MEGF11: variants seen among roughly 807,000 people sequenced by gnomAD.
MEGF11 encodes multiple EGF like domains 11.
MEGF11 carries 126 observed loss-of-function variants against 146.6 expected under a neutral mutation model. That is an observed-to-expected ratio of 0.86 (90% confidence interval 0.74 to 1.00). The LOEUF is 1.00. MEGF11 is among the 50% of genes least tolerant of loss of function. The probability of loss-of-function intolerance (pLI) is 0.00; values close to 1 mark genes in which losing one functional copy is unlikely to be tolerated. For missense variants in MEGF11, 1,509 were observed against 1,521.2 expected (o/e 0.99, Z 0.13); for synonymous variants, 532 against 583.4 (o/e 0.91, Z 1.27).
At chr15:66,207,835 C>T (rs1409069229) in intron 1 of MEGF11, among the ~76,000 whole-genome samples, 2 of 152,186 alleles carry the variant, frequency 1.3e-5, no homozygotes, top group Non-Finnish European at 1.5e-5. Flanking sequence ...GTAGTCCCAG[C>T]ACTTTGGGAG....
chr15:66,025,024 CAGG>C, intron 5 of MEGF11, among the ~76,000 whole-genome samples: 1 of 151,966 alleles, frequency 6.6e-6, no homozygotes, highest in South Asian at 2.1e-4. Flanking sequence ...AAATCATCTG[CAGG>C]AGATCAAAGC....
chr15:66,204,266 G>C (rs928296593), intron 1 of MEGF11, among the ~76,000 whole-genome samples: 1 of 152,030 alleles, frequency 6.6e-6, no homozygotes, highest in African/African-American at 2.4e-5. Context: ...GCCACATGTT[G>C]GGGCACACAC....
chr15:66,037,456 T>C (rs1368985980), intron 5 of MEGF11, among the ~76,000 whole-genome samples: 1 of 152,198 alleles, frequency 6.6e-6, no homozygotes, highest in Non-Finnish European at 1.5e-5. Context: ...TAGCTGTAGA[T>C]AAGAATGGTC....
intron 8 of MEGF11, 135 bp downstream of exon 8, chr15:65,970,418 G>A: frequency 2.1e-6 from 2 of 973,028 alleles, no homozygotes; most frequent in South Asian, 3.5e-5. Context: ...ACCCTCCCTG[G>A]CAGGAGAGCT....
intron 5 of MEGF11, among the ~76,000 whole-genome samples, chr15:66,076,811 A>G (rs2085608824): frequency 6.6e-6 from 1 of 152,100 alleles, no homozygotes; most frequent in Non-Finnish European, 1.5e-5. Flanking sequence ...CCCCCCATCC[A>G]ATCTGTTTCC....
intron 5 of MEGF11, among the ~76,000 whole-genome samples, chr15:66,077,048 T>C (rs1338267718): frequency 6.6e-6 from 1 of 151,986 alleles, no homozygotes; most frequent in African/African-American, 2.4e-5. Flanking sequence ...GCAGAGTGAG[T>C]AGATGAAAAA....
At chr15:65,916,484 C>A in intron 17 of MEGF11, 1 of 701,592 alleles carries the variant, frequency 1.4e-6, no homozygotes, top group East Asian at 2.8e-5. Context: ...GACAGAGGGG[C>A]CTTGGAACCA....
intron 1 of MEGF11, among the ~76,000 whole-genome samples, chr15:66,134,401 C>G (rs1025964825): frequency 2.0e-5 from 3 of 152,142 alleles, no homozygotes; most frequent in Admixed American, 6.5e-5. Context: ...TCCATCTTTC[C>G]ATTTCTTTGC....
chr15:66,097,192 G>C (rs1192499937), intron 4 of MEGF11, among the ~76,000 whole-genome samples: 1 of 152,210 alleles, frequency 6.6e-6, no homozygotes, highest in African/African-American at 2.4e-5. Context: ...ATGAAATATT[G>C]ATAGCAAATA....
At chr15:66,117,362 C>T (rs554581109) in intron 4 of MEGF11, among the ~76,000 whole-genome samples, 93 of 152,176 alleles carry the variant, frequency 6.1e-4, no homozygotes, top group Middle Eastern at 3.4e-3. Context: ...GGTCACCTGG[C>T]CAGAAGGTAG....
At position 65,900,440 on chromosome 15, in the gene MEGF11, C is replaced by T. The variant is rs183452196; in HGVS notation, c.3056-1506G>A. Among the ~76,000 whole-genome samples the T allele has an allele frequency of 7.9e-5, 12 of 152,270 alleles. No individual in the cohort carries two copies. In the East Asian group the frequency reaches 1.7e-3, roughly 22 times the overall value. The stretch of plus-strand genomic sequence containing the variant: ...GTGCCACCACAAGTAGTCTTATCTC[C>T]CATAAAAGGCAACTGGTTGGAAGAG... On this transcript the variant is annotated intron_variant, in intron 24 of 25. Coordinates refer to ENST00000395614, the MANE Select transcript of MEGF11 (RefSeq NM_001385028.1).
At chr15:66,139,283 G>T (rs1016685982) in intron 1 of MEGF11, among the ~76,000 whole-genome samples, 7 of 152,158 alleles carry the variant, frequency 4.6e-5, no homozygotes, top group African/African-American at 1.7e-4. Context: ...CAGTACTGTG[G>T]CCGATCAAAA....
At chr15:66,190,031 A>C (rs930406468) in intron 1 of MEGF11, among the ~76,000 whole-genome samples, 15 of 152,286 alleles carry the variant, frequency 9.8e-5, no homozygotes, top group East Asian at 7.7e-4. Context: ...AGTAGTTCTC[A>C]AATGGGCTGC....
chr15:66,242,232 C>A (rs997794122), intron 1 of MEGF11, among the ~76,000 whole-genome samples: 12 of 151,576 alleles, frequency 7.9e-5, no homozygotes, highest in African/African-American at 2.7e-4. Flanking sequence ...CACAGGGAGA[C>A]CCCATCTCTA....
intron 24 of MEGF11, among the ~76,000 whole-genome samples, chr15:65,904,583 G>A (rs571445201): frequency 5.3e-5 from 8 of 152,278 alleles, no homozygotes; most frequent in African/African-American, 1.9e-4. Flanking sequence ...CAAAAGGACT[G>A]TAGACGACTA....
chr15:66,123,559 G>T (rs555522674), intron 3 of MEGF11, among the ~76,000 whole-genome samples: 3 of 152,278 alleles, frequency 2.0e-5, no homozygotes, highest in Admixed American at 6.5e-5. Context: ...GGCAACTGGG[G>T]TTCCATCACT....
At position 65,916,216 on chromosome 15, in the gene MEGF11, G is replaced by A; in HGVS notation, c.2276C>T (p.Ala759Val). 4 of 1,571,624 alleles carry A rather than the reference G, an allele frequency of 2.5e-6. No individual in the cohort carries two copies. Among genetic ancestry groups the A allele is most frequent in the Non-Finnish European group, 3.5e-6 (4 of 1,158,462 alleles). The change falls in exon 18 of 26, where the codon GCC becomes GTC. Residue 759 changes from alanine (A) to valine (V), a missense_variant. Physicochemically the swap from Ala to Val is moderately conservative, Grantham distance 64. Coordinates refer to ENST00000395614, the MANE Select transcript of MEGF11 (RefSeq NM_001385028.1). The stretch of plus-strand genomic sequence containing the variant: ...CTTGCCACTGATGTGGTCACAGCTG[G>A]CGCCATTCTGACACTGGCATACGCG... ...CGRVCQCQNG[A>V]SCDHISGKCT... is the part of the protein sequence containing the mutation.
chr15:66,158,178 T>C (rs897059326), intron 1 of MEGF11, among the ~76,000 whole-genome samples: 1 of 152,184 alleles, frequency 6.6e-6, no homozygotes, highest in Non-Finnish European at 1.5e-5. Flanking sequence ...ATGTTTAAAA[T>C]CATTTTCACC....
chr15:65,906,204 G>T, intron 23 of MEGF11, 63 bp from the exon 24 acceptor site: 1 of 1,260,412 alleles, frequency 7.9e-7, no homozygotes, highest in Non-Finnish European at 1.1e-6. Context: ...GACTGCTTGT[G>T]TTCTTCTTTC....
Sources: allele counts gnomAD v4.1 joint callset (sites outside exome capture counted in the v4.1 genomes callset), GRCh38; gene constraint gnomAD v4.1.1; transcripts MANE v1.5; gene names NCBI Gene and HGNC (gene_info 2026-07-23, HGNC 2026-07-21).